Variants in GPHN observed in about 807,000 individuals in gnomAD.
GPHN encodes the protein gephyrin.
A neutral mutation model predicts 95.5 loss-of-function variants in GPHN; 17 were observed. That is an observed-to-expected ratio of 0.18 (90% confidence interval 0.12 to 0.27). GPHN has a LOEUF of 0.27. GPHN is among the 10% of genes least tolerant of loss of function. The pLI is 1.00. For missense variants in GPHN, 660 were observed against 978.1 expected (o/e 0.67, Z 4.34); for synonymous variants, 320 against 322.5 (o/e 0.99, Z 0.08).
chr14:67,427,599 C>A, the GPHN span, among the ~76,000 whole-genome samples: 1 of 152,200 alleles, frequency 6.6e-6, no homozygotes, highest in African/African-American at 2.4e-5. Context: ...TTAAGACTTA[C>A]CGTCGCCATT....
At chr14:67,412,045 C>T in the GPHN span, 21 of 1,556,040 alleles carry the variant, frequency 1.3e-5, no homozygotes, top group East Asian at 4.7e-4. Flanking sequence ...CCTCCTTGAG[C>T]ACGCCGTCCT....
At chr14:67,033,619 A>G (rs960717141) in intron 10 of GPHN, among the ~76,000 whole-genome samples, 1 of 150,456 alleles carries the variant, frequency 6.6e-6, no homozygotes, top group Non-Finnish European at 1.5e-5. Flanking sequence ...GGACCAGTGT[A>G]TACATTATGA....
At chr14:67,557,461 T>A in the GPHN span, 2 of 1,587,026 alleles carry the variant, frequency 1.3e-6, no homozygotes, top group Non-Finnish European at 1.7e-6. Context: ...CTCTTCGACA[T>A]CTGTACTGCT....
intron 3 of GPHN, among the ~76,000 whole-genome samples, chr14:66,783,061 C>T (rs2059661853): frequency 6.6e-6 from 1 of 152,146 alleles, no homozygotes; most frequent in Non-Finnish European, 1.5e-5. Context: ...AATACCCCTA[C>T]AAAAGCCTGT....
the GPHN span, among the ~76,000 whole-genome samples, chr14:67,543,572 G>A: frequency 1.3e-5 from 2 of 152,130 alleles, no homozygotes; most frequent in Non-Finnish European, 2.9e-5. Flanking sequence ...GAAGTCTCCT[G>A]GGGGGTTGCT....
At chr14:67,688,797 A>C in the GPHN span, among the ~76,000 whole-genome samples, 3 of 152,270 alleles carry the variant, frequency 2.0e-5, no homozygotes, top group East Asian at 5.8e-4. Flanking sequence ...TACATTTAAT[A>C]GTTTGTATAA....
At chr14:66,708,254 T>G (rs2069280533) in intron 2 of GPHN, among the ~76,000 whole-genome samples, 1 of 151,932 alleles carries the variant, frequency 6.6e-6, no homozygotes, top group South Asian at 2.1e-4. Flanking sequence ...GTTAAGTCCC[T>G]TTCGGCATAT....
In GPHN at chr14:67,139,309, G is replaced by T. The variant is rs145096391; in HGVS notation, c.1749-4053G>T. On this transcript the variant is annotated intron_variant, in intron 17 of 22. Transcript: ENST00000478722. ...CTATTCACAGATGTGATAATAGCTC[G>T]CTGCAGTCTTGAACTCCGGGGCTCA... is the stretch of plus-strand genomic sequence containing the variant. Among the ~76,000 whole-genome samples, 660 of 151,964 alleles carry T rather than the reference G, an allele frequency of 4.3e-3. 10 individuals are homozygous for T. The highest frequency in any genetic ancestry group is 0.015 in the African/African-American group (620 of 41,416).
the GPHN span, among the ~76,000 whole-genome samples, chr14:67,273,814 C>T: frequency 6.6e-6 from 1 of 152,196 alleles, no homozygotes; most frequent in South Asian, 2.1e-4. Flanking sequence ...GATCGCCATT[C>T]TAACTGGTGT....
chr14:66,535,786 G>C (rs1409144030), intron 1 of GPHN, among the ~76,000 whole-genome samples: 1 of 151,994 alleles, frequency 6.6e-6, no homozygotes, highest in East Asian at 1.9e-4. Flanking sequence ...AATTACAGTT[G>C]TATTTTTATC....
chr14:66,633,651 T>C (rs2063944282), intron 1 of GPHN, among the ~76,000 whole-genome samples: 1 of 152,186 alleles, frequency 6.6e-6, no homozygotes. Context: ...GCAGTGAATA[T>C]GCCTGTACAT....
At chr14:67,655,984 G>A in the GPHN span, among the ~76,000 whole-genome samples, 7 of 152,118 alleles carry the variant, frequency 4.6e-5, no homozygotes, top group African/African-American at 1.2e-4. Flanking sequence ...AGTGGCTCAC[G>A]CCTATAATCC....
At chr14:66,810,719 C>T (rs980659133) in intron 3 of GPHN, among the ~76,000 whole-genome samples, 6 of 152,022 alleles carry the variant, frequency 3.9e-5, no homozygotes, top group African/African-American at 1.4e-4. Context: ...TACAAAGAGG[C>T]ACTTAATTTT....
the GPHN span, chr14:67,659,726 C>G: frequency 2.5e-6 from 4 of 1,585,340 alleles, no homozygotes; most frequent in East Asian, 6.7e-5. Flanking sequence ...ACAGCTAAAA[C>G]TTACCATATG....
At chr14:66,720,824 C>T (rs893790029) in intron 2 of GPHN, among the ~76,000 whole-genome samples, 10 of 152,198 alleles carry the variant, frequency 6.6e-5, no homozygotes, top group Middle Eastern at 3.4e-3. Context: ...ATGATCACAC[C>T]GCTGCACTCT....
intron 2 of GPHN, among the ~76,000 whole-genome samples, chr14:66,726,701 A>G (rs1234904266): frequency 1.3e-5 from 2 of 152,228 alleles, no homozygotes; most frequent in South Asian, 4.1e-4. Flanking sequence ...AAGTATTACA[A>G]ACAATTTAAA....
chr14:67,645,914 C>A, the GPHN span: 1 of 1,225,760 alleles, frequency 8.2e-7, no homozygotes, highest in Non-Finnish European at 1.1e-6. Context: ...ATTACCACTC[C>A]TTCATTTGTT....
At chr14:67,215,892 G>A in the GPHN span, among the ~76,000 whole-genome samples, 3 of 152,082 alleles carry the variant, frequency 2.0e-5, no homozygotes, top group Non-Finnish European at 4.4e-5. Context: ...AAAGTTAACT[G>A]AATCATTTCA....
At chr14:67,097,576 C>CA (rs2077464564) in intron 12 of GPHN, among the ~76,000 whole-genome samples, 1 of 152,064 alleles carries the variant, frequency 6.6e-6, no homozygotes, top group South Asian at 2.1e-4. Flanking sequence ...TGCACACACA[C>CA]ACCCCTACTT....
Sources: allele counts gnomAD v4.1 joint callset (sites outside exome capture counted in the v4.1 genomes callset), GRCh38; gene constraint gnomAD v4.1.1; transcripts MANE v1.5; gene names NCBI Gene and HGNC (gene_info 2026-07-23, HGNC 2026-07-21).